NYAP2: variants seen among roughly 807,000 people sequenced by gnomAD.
The protein encoded by NYAP2 is neuronal tyrosine-phosphorylated phosphoinositide-3-kinase adapter 2.
In NYAP2, 23 loss-of-function variants were observed where a neutral mutation model predicts 50.4. The observed-to-expected ratio is 0.46, with a 90% CI of 0.33 to 0.65. The LOEUF (loss-of-function observed/expected upper bound fraction) is 0.65. Among genes scored for constraint, NYAP2 ranks in the 30% least tolerant of loss-of-function variants. The probability of loss-of-function intolerance (pLI) is 0.02; values close to 1 mark genes in which losing one functional copy is unlikely to be tolerated. For synonymous variants in NYAP2, 394 were observed against 365.2 expected, an observed-to-expected ratio of 1.08 and a Z score of -0.90; for missense variants, 885 against 861.0, an observed-to-expected ratio of 1.03 and a Z score of -0.35.
Position 225,530,881 on chromosome 2 carries a change from A to G in NYAP2, c.523+17209A>G, listed in dbSNP as rs1271812446. On this transcript the variant is annotated intron_variant, in intron 4 of 6. Coordinates refer to ENST00000636099, the Ensembl canonical transcript of NYAP2. ...CTCTCATCAGTGATCAAGTCCAGCCAATTCTGCTCCACTTATGTCAGTCTC... is the reference window on the plus strand; with the variant it reads ...CTCTCATCAGTGATCAAGTCCAGCCGATTCTGCTCCACTTATGTCAGTCTC... Among the ~76,000 whole-genome samples the G allele has an allele frequency of 2.0e-5, 3 of 152,222 alleles. No individual in the cohort carries two copies. In the East Asian group the frequency reaches 5.8e-4, roughly 29 times the overall value.
chr2:225,521,595 G>A (rs1415777769), intron 4 of NYAP2, among the ~76,000 whole-genome samples: 1 of 151,846 alleles, frequency 6.6e-6, no homozygotes, highest in Non-Finnish European at 1.5e-5. Context: ...TGCGTATATT[G>A]AACCAGCCTT....
chr2:225,566,703 A>G (rs772368208), intron 4 of NYAP2, among the ~76,000 whole-genome samples: 17 of 152,230 alleles, frequency 1.1e-4, no homozygotes, highest in Non-Finnish European at 2.5e-4. Context: ...ACTTGTAAAG[A>G]AAACTTGCTG....
the NYAP2 span, among the ~76,000 whole-genome samples, chr2:225,663,853 G>A: frequency 1.3e-5 from 2 of 152,078 alleles, no homozygotes; most frequent in Non-Finnish European, 2.9e-5. Context: ...ACTGCGCCCG[G>A]CCCTGTATCA....
chr2:225,611,610 A>T (rs746943152), intron 5 of NYAP2, among the ~76,000 whole-genome samples: 5 of 151,946 alleles, frequency 3.3e-5, no homozygotes, highest in Non-Finnish European at 5.9e-5. Context: ...AAAAAAAATC[A>T]TCTATTATAT....
At chr2:225,696,522 A>T in the NYAP2 span, among the ~76,000 whole-genome samples, 1 of 151,990 alleles carries the variant, frequency 6.6e-6, no homozygotes, top group African/African-American at 2.4e-5. Flanking sequence ...AATTTGACAC[A>T]TCAGGATTTA....
intron 5 of NYAP2, among the ~76,000 whole-genome samples, chr2:225,622,557 CTTTTTCTT>C (rs1405855229): frequency 2.1e-5 from 1 of 48,670 alleles, no homozygotes; most frequent in South Asian, 7.2e-4. Context: ...TTCTTTCTTT[CTTTTTCTT>C]TCTTTCTTTC....
intron 3 of NYAP2, among the ~76,000 whole-genome samples, chr2:225,444,898 G>A (rs1003436108): frequency 6.6e-6 from 1 of 152,168 alleles, no homozygotes; most frequent in African/African-American, 2.4e-5. Context: ...TAAAATTGAA[G>A]AGAGAAATAC....
At chr2:225,648,664 T>G (rs989712897) in intron 6 of NYAP2, among the ~76,000 whole-genome samples, 1 of 151,706 alleles carries the variant, frequency 6.6e-6, no homozygotes, top group African/African-American at 2.4e-5. Flanking sequence ...TTTAGGAAAA[T>G]GGAGGTGATG....
Position 225,476,962 on chromosome 2 carries a change from G to A in NYAP2, c.222-36409G>A, listed in dbSNP as rs190295996. Among the ~76,000 whole-genome samples, 9 of 152,018 alleles carry A rather than the reference G, an allele frequency of 5.9e-5. No individual in the cohort carries two copies. The South Asian group carries it at 6.2e-4, about 11-fold the overall frequency. ...CTCATAAATTTTCTGAAATTTTAAC[G>A]GTTGTTTTTTGCTGACCTGTATTAA... is the stretch of plus-strand genomic sequence containing the variant. On this transcript the variant is annotated intron_variant, in intron 3 of 6. Transcript: ENST00000636099.
At chr2:225,523,816 G>C (rs763287553) in intron 4 of NYAP2, among the ~76,000 whole-genome samples, 2 of 152,072 alleles carry the variant, frequency 1.3e-5, no homozygotes, top group Non-Finnish European at 2.9e-5. Flanking sequence ...ATACTGCAAG[G>C]ATACTGCAAC....
intron 4 of NYAP2, among the ~76,000 whole-genome samples, chr2:225,525,383 G>A (rs187667186): frequency 6.6e-6 from 1 of 152,138 alleles, no homozygotes; most frequent in African/African-American, 2.4e-5. Context: ...TCCATCAATG[G>A]AGGATTGAAT....
chr2:225,460,992 CAAAAAAAAAAAA>C (rs869283101), intron 3 of NYAP2, among the ~76,000 whole-genome samples: 1 of 43,066 alleles, frequency 2.3e-5, no homozygotes, highest in South Asian at 1.1e-3. Context: ...GACTCTGTCT[CAAAAAAAAAAAA>C]AAAAAAAAAA....
chr2:225,549,915 G>A (rs1395340284), intron 4 of NYAP2, among the ~76,000 whole-genome samples: 1 of 151,950 alleles, frequency 6.6e-6, no homozygotes, highest in Admixed American at 6.6e-5. Context: ...AACTCAGGAG[G>A]CAGAGGTTGC....
chr2:225,522,134 T>C (rs958811892), intron 4 of NYAP2, among the ~76,000 whole-genome samples: 2 of 152,130 alleles, frequency 1.3e-5, no homozygotes, highest in East Asian at 1.9e-4. Context: ...CCTTTATCAT[T>C]TTTTATTGCA....
At chr2:225,645,556 T>C (rs561771312) in intron 6 of NYAP2, among the ~76,000 whole-genome samples, 8 of 152,258 alleles carry the variant, frequency 5.3e-5, no homozygotes, top group African/African-American at 1.9e-4. Flanking sequence ...ACACTTGATC[T>C]TCACTAAATT....
At chr2:225,402,099 A>G (rs1694872869) in intron 2 of NYAP2, among the ~76,000 whole-genome samples, 1 of 152,034 alleles carries the variant, frequency 6.6e-6, no homozygotes, top group South Asian at 2.1e-4. Context: ...TTTCCTATGG[A>G]AAGTGCAACA....
At chr2:225,508,907 A>G (rs1242859117) in intron 3 of NYAP2, among the ~76,000 whole-genome samples, 1 of 152,166 alleles carries the variant, frequency 6.6e-6, no homozygotes, top group Non-Finnish European at 1.5e-5. Context: ...ACACACCTCC[A>G]TGGCTGCCAC....
intron 3 of NYAP2, among the ~76,000 whole-genome samples, chr2:225,476,230 G>A (rs1690103292): frequency 1.3e-5 from 2 of 152,046 alleles, no homozygotes; most frequent in African/African-American, 4.8e-5. Flanking sequence ...TGGCTAACAC[G>A]ATGAAACCCC....
chr2:225,680,482 G>T, the NYAP2 span, among the ~76,000 whole-genome samples: 5 of 152,056 alleles, frequency 3.3e-5, no homozygotes, highest in Non-Finnish European at 7.4e-5. Context: ...CTAGTGTTCA[G>T]TTTTCTCAAG....
Sources: allele counts gnomAD v4.1 joint callset (sites outside exome capture counted in the v4.1 genomes callset), GRCh38; gene constraint gnomAD v4.1.1; transcripts MANE v1.5; gene names NCBI Gene and HGNC (gene_info 2026-07-23, HGNC 2026-07-21).